Variants in ANK3 observed in about 807,000 individuals in gnomAD.
The protein encoded by ANK3 is ankyrin-3.
A neutral mutation model predicts 370.9 loss-of-function variants in ANK3; 57 were observed. The observed-to-expected ratio is 0.15, with a 90% confidence interval of 0.12 to 0.19. ANK3 has a LOEUF of 0.19. ANK3 is among the 10% of genes least tolerant of loss of function. The pLI, the probability that ANK3 is intolerant of heterozygous loss-of-function variation, is 1.00. For synonymous variants in ANK3, 1,929 were observed against 1,946.3 expected, an observed-to-expected ratio of 0.99 and a Z score of 0.23; for missense variants, 4,439 against 5,302.1, an observed-to-expected ratio of 0.84 and a Z score of 5.06.
chr10:60,122,860 T>C (rs1180027509), intron 25 of ANK3, among the ~76,000 whole-genome samples: 1 of 152,236 alleles, frequency 6.6e-6, no homozygotes, highest in African/African-American at 2.4e-5. Context: ...ACACATAGGA[T>C]GCTTTTATCA....
At chr10:60,401,739 A>G (rs2063355798) in intron 2 of ANK3, among the ~76,000 whole-genome samples, 1 of 152,164 alleles carries the variant, frequency 6.6e-6, no homozygotes, top group Non-Finnish European at 1.5e-5. Flanking sequence ...TCATTTTTTA[A>G]ACCAGTCCCT....
At chr10:60,172,252 GA>G in intron 21 of ANK3, 55 bp downstream of exon 21, 1 of 1,427,790 alleles carries the variant, frequency 7.0e-7, no homozygotes, top group Non-Finnish European at 9.8e-7. Context: ...AAAAACCCAA[GA>G]AAACTGGCTG....
At chr10:60,487,200 C>T (rs183607014) in intron 2 of ANK3, among the ~76,000 whole-genome samples, 3 of 152,268 alleles carry the variant, frequency 2.0e-5, no homozygotes, top group East Asian at 3.9e-4. Flanking sequence ...ATTAATCCTG[C>T]ATTACTCAGA....
chr10:60,351,258 T>A (rs1487098594), intron 1 of ANK3, among the ~76,000 whole-genome samples: 1 of 152,184 alleles, frequency 6.6e-6, no homozygotes, highest in Non-Finnish European at 1.5e-5. Context: ...AGATTCAGAC[T>A]GGGAAAGTTT....
rs1262017485 is a variant in ANK3 at position 60,109,041 on chromosome 10, A to C, written c.2962T>G (p.Phe988Val). Reference protein sequence around the residue: ...SPIHSGFLVSFMVDARGGSMR... With the variant: ...SPIHSGFLVSVMVDARGGSMR... The stretch of plus-strand genomic sequence containing the variant: ...GAGCCCCCTCTCGCGTCCACCATAA[A>C]GCTAACCAGAAACCTGAGGGGAGAA... Residue 988 changes from phenylalanine (F) to valine (V), a missense_variant, in exon 27 of 44, where the codon TTT becomes GTT. Transcript: ENST00000280772. 1 of 1,613,042 alleles carries C rather than the reference A, an allele frequency of 6.2e-7. No individual in the cohort carries two copies. Among genetic ancestry groups the C allele is most frequent in the Non-Finnish European group, 8.5e-7 (1 of 1,179,944 alleles).
intron 7 of ANK3, among the ~76,000 whole-genome samples, chr10:60,259,894 A>C (rs973355874): frequency 6.6e-6 from 1 of 152,228 alleles, no homozygotes; most frequent in East Asian, 1.9e-4. Flanking sequence ...CTTGACTTAA[A>C]GAAGGGCTTA....
At chr10:60,305,117 C>G (rs1008573390) in intron 1 of ANK3, among the ~76,000 whole-genome samples, 1 of 152,176 alleles carries the variant, frequency 6.6e-6, no homozygotes, top group African/African-American at 2.4e-5. Context: ...TTCACTATCC[C>G]CATGCCCGGC....
intron 41 of ANK3, among the ~76,000 whole-genome samples, chr10:60,056,422 T>C (rs760918429): frequency 2.6e-5 from 4 of 152,060 alleles, no homozygotes; most frequent in Non-Finnish European, 5.9e-5. Flanking sequence ...TGAGCTGAGA[T>C]TGTGCCACTG....
intron 2 of ANK3, among the ~76,000 whole-genome samples, chr10:60,530,907 G>A (rs959896515): frequency 6.6e-6 from 1 of 152,046 alleles, no homozygotes; most frequent in African/African-American, 2.4e-5. Context: ...GGCCTTGAAG[G>A]TGCACTCAAT....
intron 1 of ANK3, among the ~76,000 whole-genome samples, chr10:60,690,950 A>G (rs2079343537): frequency 6.6e-6 from 1 of 152,230 alleles, no homozygotes; most frequent in African/African-American, 2.4e-5. Flanking sequence ...TGTAGGTTAA[A>G]TCTGCCCATA....
rs555183663 is a variant in ANK3, at chr10:60,428,335, A to G, written c.97-148696T>C. Among the ~76,000 whole-genome samples, 12 of 152,294 alleles carry G rather than the reference A, an allele frequency of 7.9e-5. No individual in the cohort carries two copies. The South Asian group carries it at 2.5e-3, about 32-fold the overall frequency. ...ATTCTGTGCTCATCCTTCCTTTGAA[A>G]GACGGTTAGCTTCTGAAAACACAAC... On this transcript the variant is annotated intron_variant, in intron 2 of 43. Coordinates refer to the ANK3 transcript ENST00000373827.
In ANK3 at chr10:60,069,578, T is replaced by C. The variant is rs771599842; in HGVS notation, c.11303A>G (p.Asn3768Ser). The C allele has an allele frequency of 1.2e-6, 2 of 1,613,718 alleles. No homozygotes were observed. The highest frequency in any genetic ancestry group is 1.7e-6 in the Non-Finnish European group (2 of 1,179,968). The change falls in exon 37 of 44, where the codon AAT becomes AGT. Residue 3768 changes from asparagine (N) to serine (S), a missense_variant. Around this residue, in one of 13 missense-constraint regions of ANK3, gnomAD observed 496 missense variants for 529.3 expected, o/e 0.94. Coordinates refer to ENST00000280772, the MANE Select transcript of ANK3 (RefSeq NM_020987.5). ...ETITMISNTA[N>S]SQMGVRPHEK... is the part of the protein sequence containing the mutation. ...ATGGGGCCTAACGCCCATCTGGCTA[T>C]TGGCTGTATTTGAAATCATTGTTAT... is the stretch of plus-strand genomic sequence containing the variant.
intron 2 of ANK3, among the ~76,000 whole-genome samples, chr10:60,557,270 G>A (rs980666465): frequency 2.0e-5 from 3 of 152,126 alleles, no homozygotes; most frequent in African/African-American, 7.2e-5. Flanking sequence ...TGGACAAAAT[G>A]TGGAACATCC....
At chr10:60,415,660 C>G (rs2063646763) in intron 2 of ANK3, among the ~76,000 whole-genome samples, 1 of 152,114 alleles carries the variant, frequency 6.6e-6, no homozygotes, top group Non-Finnish European at 1.5e-5. Flanking sequence ...TCAAATGAAC[C>G]TGTTAATTTC....
chr10:60,194,374 T>C (rs907743912), intron 16 of ANK3, among the ~76,000 whole-genome samples: 1 of 152,204 alleles, frequency 6.6e-6, no homozygotes, highest in African/African-American at 2.4e-5. Context: ...TTAGTCTTCC[T>C]AATTGAGACT....
intron 2 of ANK3, among the ~76,000 whole-genome samples, chr10:60,552,081 C>T (rs529755294): frequency 1.8e-4 from 28 of 152,338 alleles, no homozygotes; most frequent in African/African-American, 6.3e-4. Flanking sequence ...AGCCTGCACA[C>T]ATGAGAGCAA....
Position 60,069,345 on chromosome 10 carries a change from C to T in ANK3, c.11536G>A (p.Val3846Ile), listed in dbSNP as rs1487562450. ...TTTGTTTTTTGCTGTTCTCCAAGAA[C>T]TTTCTGCTTATCTCTTACACAGTGT... Reference protein sequence around the residue: ...QGHCVRDKQKVLGEQQKTKEL... With the variant: ...QGHCVRDKQKILGEQQKTKEL... The change falls in exon 37 of 44, where the codon GTT becomes ATT. Residue 3846 changes from valine to isoleucine, a missense_variant. Physicochemically the swap from Val to Ile is conservative, Grantham distance 29. Around this residue, in one of 13 missense-constraint regions of ANK3, gnomAD observed 496 missense variants for 529.3 expected, o/e 0.94. Transcript: ENST00000280772. The T allele has an allele frequency of 1.9e-6, 3 of 1,614,078 alleles. No individual in the cohort carries two copies. The highest frequency in any genetic ancestry group is 1.7e-5 in the Admixed American group (1 of 60,012).
chr10:60,258,073 T>G (rs986722195), intron 7 of ANK3, among the ~76,000 whole-genome samples: 1 of 152,248 alleles, frequency 6.6e-6, no homozygotes, highest in African/African-American at 2.4e-5. Flanking sequence ...TTTGGCCTTT[T>G]GTTACTCTAG....
Position 60,075,181 on chromosome 10 carries a change from C to T in ANK3, c.5700G>A (p.Glu1900=), listed in dbSNP as rs778234893. ...TCATTTCAGCTACATCTTTTAGTAT[C>T]TCCTGACTGGAAGATAAAGAAGATG... ...STPSSLSSSQ[E]ILKDVAEMKE... Residue 1900 remains glutamate, a synonymous_variant, in exon 37 of 44, where the codon GAG becomes GAA. Coordinates refer to ENST00000280772, the MANE Select transcript of ANK3 (RefSeq NM_020987.5). 1.1e-5 allele frequency: 17 copies of T among 1,613,994 alleles called. No individual in the cohort carries two copies. In the South Asian group the frequency reaches 1.9e-4, roughly 18 times the overall value.
Sources: allele counts gnomAD v4.1 joint callset (sites outside exome capture counted in the v4.1 genomes callset), GRCh38; gene constraint gnomAD v4.1.1; regional missense constraint gnomAD v4.1.1; transcripts MANE v1.5; gene names NCBI Gene and HGNC (gene_info 2026-07-23, HGNC 2026-07-21).